Variants in ATAD2 observed in about 807,000 individuals in gnomAD.
The protein encoded by ATAD2 is ATPase family AAA domain-containing protein 2.
In ATAD2, 62 loss-of-function variants were observed where a neutral mutation model predicts 168.9. That is an observed-to-expected ratio of 0.37 (90% CI 0.30 to 0.45). The LOEUF (loss-of-function observed/expected upper bound fraction) is 0.45, where lower values mean the gene tolerates loss of function less well. ATAD2 is among the 20% of genes least tolerant of loss of function. ATAD2 has a pLI of 1.00. For missense variants in ATAD2, 1,419 were observed against 1,667.8 expected, an observed-to-expected ratio of 0.85 and a Z score of 2.60; for synonymous variants, 613 against 571.6, an observed-to-expected ratio of 1.07 and a Z score of -1.03.
At chr8:123,327,937 G>A (rs190611000) in intron 25 of ATAD2, among the ~76,000 whole-genome samples, 100 of 152,306 alleles carry the variant, frequency 6.6e-4, no homozygotes, top group African/African-American at 2.3e-3. Flanking sequence ...AGGCTGACAA[G>A]TTAAGTATCT....
chr8:123,337,735 GTTC>G lies in ATAD2; in HGVS notation c.2938_2940del (p.Glu980del), dbSNP rs1563837145. The G allele has an allele frequency of 1.2e-6, 2 of 1,613,708 alleles. No individual in the cohort carries two copies. The highest frequency in any genetic ancestry group is 1.7e-5 in the Admixed American group (1 of 59,956). On this transcript the variant is annotated inframe_deletion, in exon 21 of 28. Coordinates refer to ENST00000287394, the MANE Select transcript of ATAD2 (RefSeq NM_014109.4). ...AGTTCTCTAAATGTATCTTCTTCTT[GTTC>G]TTCTAGTCGTTTCACTTCTTCTGCT...
chr8:123,401,018 G>C, upstream of ATAD2: 1 of 1,542,280 alleles, frequency 6.5e-7, no homozygotes, highest in East Asian at 2.2e-5. Flanking sequence ...ACTGAGACAG[G>C]CACCATGGGC....
intron 1 of ATAD2, 128 bp downstream of exon 1, chr8:123,396,059 G>C (rs1812809405): frequency 9.0e-7 from 1 of 1,112,574 alleles, no homozygotes; most frequent in African/African-American, 1.7e-5. Flanking sequence ...ACTCGTCCTC[G>C]ACCACACTTC....
chr8:123,415,778 A>G (rs1284542703), intron 1 of ATAD2, among the ~76,000 whole-genome samples: 1 of 152,154 alleles, frequency 6.6e-6, no homozygotes, highest in Non-Finnish European at 1.5e-5. Context: ...TATTTTTAGT[A>G]GAGACGGAGT....
chr8:123,334,503 A>C (rs1273693810), intron 22 of ATAD2, among the ~76,000 whole-genome samples, 181 bp from the exon 23 acceptor site: 1 of 152,172 alleles, frequency 6.6e-6, no homozygotes, highest in Admixed American at 6.5e-5. Flanking sequence ...TGTTCTGGAC[A>C]TCTGATTCAA....
intron 1 of ATAD2, among the ~76,000 whole-genome samples, chr8:123,408,511 C>T (rs1813100464): frequency 6.6e-6 from 1 of 151,952 alleles, no homozygotes; most frequent in Admixed American, 6.6e-5. Context: ...CCCGTCCCCT[C>T]CCCTCCCTTT....
intron 1 of ATAD2, among the ~76,000 whole-genome samples, chr8:123,384,767 A>G (rs942425691): frequency 4.6e-5 from 7 of 152,244 alleles, no homozygotes; most frequent in African/African-American, 1.4e-4. Flanking sequence ...CAAAATTGGA[A>G]CGATACAAAG....
chr8:123,321,347 TG>T (rs1366442386), intron 27 of ATAD2, among the ~76,000 whole-genome samples, 172 bp from the exon 28 acceptor site: 1 of 151,910 alleles, frequency 6.6e-6, no homozygotes, highest in Non-Finnish European at 1.5e-5. Context: ...AGATTTTACC[TG>T]TAGGACTTCA....
At chr8:123,325,294 AT>A (rs148383295) in intron 26 of ATAD2, among the ~76,000 whole-genome samples, 15 of 143,712 alleles carry the variant, frequency 1.0e-4, no homozygotes, top group Non-Finnish European at 1.2e-4. Flanking sequence ...TTATTTATTT[AT>A]TTTTTTTTTG....
intron 1 of ATAD2, among the ~76,000 whole-genome samples, chr8:123,391,485 G>T (rs1340029502): frequency 9.2e-4 from 31 of 33,878 alleles, no homozygotes; most frequent in South Asian, 2.0e-3. Flanking sequence ...GAGAAGTTTT[G>T]AAAAAAAAAA....
rs1298950014 is a variant in ATAD2 at position 123,369,132 on chromosome 8, T to C, written c.975A>G (p.Pro325=). ...GGTATCTTGGTCTTGCAGGAGAAGC[T>C]GGGCCACTATAAAATATGTTGGGCT... The part of the protein sequence containing the change: ...QRKPNIFYSG[P]ASPARPRYRL... Residue 325 remains proline (P), a synonymous_variant, in exon 8 of 28, where the codon CCA becomes CCG. Transcript: ENST00000287394. 1 of 1,591,566 alleles carries C rather than the reference T, an allele frequency of 6.3e-7. No individual in the cohort carries two copies. The highest frequency in any genetic ancestry group is 1.3e-5 in the African/African-American group (1 of 74,598).
chr8:123,408,644 G>A (rs766810087), intron 1 of ATAD2, among the ~76,000 whole-genome samples: 2 of 152,060 alleles, frequency 1.3e-5, no homozygotes, highest in Non-Finnish European at 2.9e-5. Flanking sequence ...AGCCTCCCAA[G>A]TAGCTGAGAT....
At chr8:123,410,915 G>A (rs1813145334) in intron 1 of ATAD2, among the ~76,000 whole-genome samples, 1 of 152,244 alleles carries the variant, frequency 6.6e-6, no homozygotes, top group African/African-American at 2.4e-5. Flanking sequence ...GCATGGCTAA[G>A]TGCCCGGGTT....
Position 123,369,812 on chromosome 8 carries a change from A to T in ATAD2, c.931+9T>A. The T allele has an allele frequency of 6.3e-7, 1 of 1,586,614 alleles. No individual in the cohort carries two copies. The highest frequency in any genetic ancestry group is 1.1e-5 in the South Asian group (1 of 90,514). ...TACATCTCCTGGAAAGAGTATGTAT[A>T]GCACTTACTTTCCAATGGAGCCTGA... On this transcript the variant is annotated intron_variant, in intron 7 of 27. Transcript: ENST00000287394.
At chr8:123,388,485 C>T (rs1459107842) in intron 1 of ATAD2, among the ~76,000 whole-genome samples, 1 of 152,160 alleles carries the variant, frequency 6.6e-6, no homozygotes, top group Non-Finnish European at 1.5e-5. Context: ...CCTCTGCCTC[C>T]TGGGTTCAAG....
At chr8:123,370,470 C>T (rs145890712) in intron 6 of ATAD2, among the ~76,000 whole-genome samples, 2 of 152,142 alleles carry the variant, frequency 1.3e-5, no homozygotes, top group East Asian at 1.9e-4. Context: ...TGGAGTTACA[C>T]GCTGCATAAC....
chr8:123,364,853 T>C (rs1828923882), intron 8 of ATAD2, among the ~76,000 whole-genome samples: 1 of 152,188 alleles, frequency 6.6e-6, no homozygotes, highest in African/African-American at 2.4e-5. Context: ...GCATTCCCTC[T>C]GAGAACTGGA....
chr8:123,383,727 C>G (rs1214365300), intron 1 of ATAD2, among the ~76,000 whole-genome samples: 1 of 150,514 alleles, frequency 6.6e-6, no homozygotes, highest in South Asian at 2.1e-4. Flanking sequence ...GAGCCGGGAT[C>G]GTGCCATTGC....
chr8:123,353,567 A>ATT (rs966836860), intron 13 of ATAD2, among the ~76,000 whole-genome samples: 1 of 147,002 alleles, frequency 6.8e-6, no homozygotes, highest in Non-Finnish European at 1.5e-5. Context: ...GATTCCAGTA[A>ATT]TTTTTTTTTT....
Sources: allele counts gnomAD v4.1 joint callset (sites outside exome capture counted in the v4.1 genomes callset), GRCh38; gene constraint gnomAD v4.1.1; transcripts MANE v1.5; gene names NCBI Gene and HGNC (gene_info 2026-07-23, HGNC 2026-07-21).